SPIN1: variants seen among roughly 807,000 people sequenced by gnomAD.
The protein encoded by SPIN1 is spindlin-1.
In SPIN1, 3 loss-of-function variants were observed where a neutral mutation model predicts 26.0. The observed-to-expected ratio is 0.12, with a 90% confidence interval of 0.05 to 0.30. The LOEUF (loss-of-function observed/expected upper bound fraction) is 0.30, where lower values mean the gene tolerates loss of function less well. Ranked by LOEUF, SPIN1 falls within the 10% of genes least tolerant of loss-of-function variation. The probability of loss-of-function intolerance (pLI) is 1.00; values close to 1 mark genes in which losing one functional copy is unlikely to be tolerated. For missense variants in SPIN1, 126 were observed against 333.4 expected, an observed-to-expected ratio of 0.38 and a Z score of 4.84; for synonymous variants, 101 against 116.5, an observed-to-expected ratio of 0.87 and a Z score of 0.86.
At chr9:88,433,365 G>A (rs1827923586) in intron 2 of SPIN1, among the ~76,000 whole-genome samples, 1 of 152,204 alleles carries the variant, frequency 6.6e-6, no homozygotes, top group African/African-American at 2.4e-5. Flanking sequence ...CTACAGTCAT[G>A]CACCAGTGTA....
chr9:88,461,966 G>T lies in SPIN1; in HGVS notation c.102-530G>T, dbSNP rs115734369. On this transcript the variant is annotated intron_variant, in intron 3 of 5. Transcript: ENST00000375859. ...AGCTAGTCTGGACTTCAGTTTAAGAGAAAATTGTCTAGTTTATTTTTATTA... is the reference window on the plus strand; with the variant it reads ...AGCTAGTCTGGACTTCAGTTTAAGATAAAATTGTCTAGTTTATTTTTATTA... 7.8e-3 allele frequency among the ~76,000 whole-genome samples: 1,193 copies of T among 152,284 alleles called. 9 individuals carry two copies. The highest frequency in any genetic ancestry group is 0.027 in the African/African-American group (1,109 of 41,558).
At chr9:88,460,817 C>CA (rs1302915577) in intron 3 of SPIN1, among the ~76,000 whole-genome samples, 1 of 152,226 alleles carries the variant, frequency 6.6e-6, no homozygotes, top group Non-Finnish European at 1.5e-5. Context: ...GATGCACAGA[C>CA]ACACCCACGA....
chr9:88,412,382 G>C (rs959033301), intron 1 of SPIN1, among the ~76,000 whole-genome samples: 11 of 152,100 alleles, frequency 7.2e-5, no homozygotes, highest in African/African-American at 2.2e-4. Context: ...TTTTGTAGCT[G>C]TTGGGAGGAT....
rs1828716064 is a variant in SPIN1, at chr9:88,468,535, C to T, written c.519C>T (p.Asp173=). The part of the protein sequence containing the change: ...NTWFYITYEK[D]PVLYMYQLLD... The stretch of plus-strand genomic sequence containing the variant: ...GGTTTTACATTACCTATGAGAAAGA[C>T]CCTGTCTTGTACATGTACCAACTCT... The change falls in exon 5 of 6, where the codon GAC becomes GAT. Residue 173 remains aspartate, a synonymous_variant. Coordinates refer to ENST00000375859, the MANE Select transcript of SPIN1 (RefSeq NM_006717.3). 2 of 1,611,908 alleles carry T rather than the reference C, an allele frequency of 1.2e-6. No individual in the cohort carries two copies. Among genetic ancestry groups the T allele is most frequent in the Non-Finnish European group, 1.7e-6 (2 of 1,179,146 alleles).
At chr9:88,452,731 T>C (rs2118150211) in intron 3 of SPIN1, among the ~76,000 whole-genome samples, 1 of 152,332 alleles carries the variant, frequency 6.6e-6, no homozygotes, top group East Asian at 1.9e-4. Context: ...TGACAGTACT[T>C]GGCATGGAAC....
rs1399697918 is a variant in SPIN1 at position 88,462,701 on chromosome 9, A to G, written c.307A>G (p.Asn103Asp). The change falls in exon 4 of 6, where the codon AAT (asparagine) becomes GAT (aspartate). Residue 103 changes from asparagine to aspartate, a missense_variant. Physicochemically the swap from Asn to Asp is conservative, Grantham distance 23 (BLOSUM62 1). Coordinates refer to ENST00000375859, the MANE Select transcript of SPIN1 (RefSeq NM_006717.3). ...TGACTGTGTTTATGGACTAGAACTT[A>G]ATAAAGATGAAAGAGTTTCTGCGCT... ...GFDCVYGLEL[N>D]KDERVSALEV... 6.2e-7 allele frequency: 1 copy of G among 1,613,880 alleles called. No individual in the cohort carries two copies. The highest frequency in any genetic ancestry group is 2.2e-5 in the East Asian group (1 of 44,884).
At chr9:88,435,746 G>A (rs1234887463) in intron 2 of SPIN1, among the ~76,000 whole-genome samples, 5 of 152,046 alleles carry the variant, frequency 3.3e-5, no homozygotes, top group Admixed American at 6.6e-5. Context: ...CACTTCTGTT[G>A]TGTGGAGTCA....
intron 2 of SPIN1, among the ~76,000 whole-genome samples, chr9:88,439,221 G>A (rs1201854574): frequency 6.6e-6 from 1 of 152,108 alleles, no homozygotes; most frequent in Admixed American, 6.6e-5. Flanking sequence ...GTGTATTAAT[G>A]GTATGCTATA....
chr9:88,444,537 C>T (rs1209646381), intron 2 of SPIN1, among the ~76,000 whole-genome samples: 3 of 151,838 alleles, frequency 2.0e-5, no homozygotes, highest in Admixed American at 6.6e-5. Flanking sequence ...GCCACCGCGC[C>T]CGGCCCCCAT....
chr9:88,439,442 CA>C (rs1283204369), intron 2 of SPIN1, among the ~76,000 whole-genome samples: 3 of 152,036 alleles, frequency 2.0e-5, no homozygotes, highest in Admixed American at 6.5e-5. Flanking sequence ...AAATTACTTT[CA>C]GGGGGTATAT....
chr9:88,417,786 G>T (rs1827596371), intron 1 of SPIN1, among the ~76,000 whole-genome samples: 1 of 152,138 alleles, frequency 6.6e-6, no homozygotes, highest in African/African-American at 2.4e-5. Context: ...TCCAGGTTAT[G>T]TTATGTGCTT....
intron 1 of SPIN1, among the ~76,000 whole-genome samples, chr9:88,413,994 A>G (rs1241894187): frequency 6.6e-6 from 1 of 151,758 alleles, no homozygotes; most frequent in African/African-American, 2.4e-5. Flanking sequence ...TGACTCACAA[A>G]ACTCAAGAAA....
chr9:88,422,714 CTT>C (rs111780596), intron 1 of SPIN1, among the ~76,000 whole-genome samples: 3 of 144,730 alleles, frequency 2.1e-5, no homozygotes, highest in Non-Finnish European at 3.1e-5. Flanking sequence ...ACTCTTTTTT[CTT>C]TTTTTTTTTT....
intron 1 of SPIN1, among the ~76,000 whole-genome samples, chr9:88,391,990 C>A (rs1826931564): frequency 6.6e-6 from 1 of 152,112 alleles, no homozygotes; most frequent in Non-Finnish European, 1.5e-5. Context: ...GTGAAAGAGC[C>A]AACCCGCAAA....
chr9:88,421,151 C>G (rs1035600157), intron 1 of SPIN1, among the ~76,000 whole-genome samples: 1 of 152,204 alleles, frequency 6.6e-6, no homozygotes, highest in African/African-American at 2.4e-5. Flanking sequence ...GAGTCTACCT[C>G]TTTAAGCATT....
At chr9:88,424,559 C>A (rs952668432) in intron 1 of SPIN1, among the ~76,000 whole-genome samples, 2 of 151,936 alleles carry the variant, frequency 1.3e-5, no homozygotes, top group Non-Finnish European at 2.9e-5. Context: ...GAAGTTAGTC[C>A]CTGAGGGAGA....
At chr9:88,460,856 A>G (rs1828565667) in intron 3 of SPIN1, among the ~76,000 whole-genome samples, 2 of 152,234 alleles carry the variant, frequency 1.3e-5, no homozygotes, top group Non-Finnish European at 2.9e-5. Context: ...ACTCTGTGGC[A>G]CAGTTAAGTT....
In SPIN1 at chr9:88,392,022, C is replaced by A. The variant is rs565040644; in HGVS notation, c.-159+3484C>A. On this transcript the variant is annotated intron_variant, in intron 1 of 5. Transcript: ENST00000375859. ...CAAAGCCTTTTAAAACCTTGAATTCCTTACCTATAAACTGGGATAAAACCT... is the reference window on the plus strand; with the variant it reads ...CAAAGCCTTTTAAAACCTTGAATTCATTACCTATAAACTGGGATAAAACCT... 3.0e-4 allele frequency among the ~76,000 whole-genome samples: 45 copies of A among 152,282 alleles called. No individual in the cohort carries two copies. The South Asian group carries it at 9.3e-3, about 32-fold the overall frequency.
chr9:88,413,052 A>G (rs979722881), intron 1 of SPIN1, among the ~76,000 whole-genome samples: 4 of 149,084 alleles, frequency 2.7e-5, no homozygotes, highest in African/African-American at 7.6e-5. Flanking sequence ...GTTTTTTAAG[A>G]TATTAAAATT....
Sources: allele counts gnomAD v4.1 joint callset (sites outside exome capture counted in the v4.1 genomes callset), GRCh38; gene constraint gnomAD v4.1.1; transcripts MANE v1.5; gene names NCBI Gene and HGNC (gene_info 2026-07-23, HGNC 2026-07-21).